Variants in PIP5K1B observed in about 807,000 individuals in gnomAD.
The protein encoded by PIP5K1B is phosphatidylinositol-4-phosphate 5-kinase type 1 beta, also known as phosphatidylinositol 4-phosphate 5-kinase type-1 beta.
In PIP5K1B, 42 loss-of-function variants were observed where a neutral mutation model predicts 67.0. The ratio of observed to expected loss-of-function variants is 0.63; its 90% confidence interval spans 0.49 to 0.81. The LOEUF (loss-of-function observed/expected upper bound fraction) is 0.81. PIP5K1B is among the 30% of genes least tolerant of loss of function. The pLI is 0.00. For missense variants in PIP5K1B, 459 were observed against 646.3 expected (o/e 0.71, Z 3.14); for synonymous variants, 214 against 231.4 (o/e 0.92, Z 0.68).
At chr9:68,780,303 A>G (rs1005221616) in intron 2 of PIP5K1B, 3 of 1,599,316 alleles carry the variant, frequency 1.9e-6, no homozygotes, top group African/African-American at 1.3e-5. Flanking sequence ...CCTCAGTGAC[A>G]CTTCGCCGGT....
intron 15 of PIP5K1B, 101 bp downstream of exon 15, chr9:68,991,358 G>T (rs1015923040): frequency 3.0e-6 from 2 of 675,958 alleles, no homozygotes; most frequent in Non-Finnish European, 2.7e-6. Context: ...GGCATGCTTG[G>T]GTTTTAAAAG....
intron 14 of PIP5K1B, among the ~76,000 whole-genome samples, chr9:68,951,942 CTAA>C (rs1227070134): frequency 6.6e-6 from 1 of 152,096 alleles, no homozygotes; most frequent in Admixed American, 6.5e-5. Flanking sequence ...TAGGCATTAG[CTAA>C]TAACTGCCCA....
intron 2 of PIP5K1B, among the ~76,000 whole-genome samples, chr9:68,760,889 T>C (rs1030416777): frequency 6.6e-6 from 1 of 152,104 alleles, no homozygotes; most frequent in African/African-American, 2.4e-5. Context: ...TTCTCAAATT[T>C]TCCTGTTGAC....
At chr9:68,795,438 T>G (rs1305486524) in intron 2 of PIP5K1B, among the ~76,000 whole-genome samples, 1 of 152,170 alleles carries the variant, frequency 6.6e-6, no homozygotes, top group African/African-American at 2.4e-5. Context: ...AGAATATATG[T>G]AATATATGGA....
chr9:68,888,890 T>C (rs1476211428), intron 6 of PIP5K1B, 91 bp from the exon 7 acceptor site: 5 of 856,406 alleles, frequency 5.8e-6, no homozygotes, highest in Admixed American at 2.1e-5. Context: ...TGTTTCAACA[T>C]AGCTAAGATG....
chr9:68,733,066 G>A (rs1828528995), intron 1 of PIP5K1B, among the ~76,000 whole-genome samples: 1 of 152,126 alleles, frequency 6.6e-6, no homozygotes, highest in Non-Finnish European at 1.5e-5. Flanking sequence ...TGATCTAGGT[G>A]TGGGCCGCAA....
rs114229251 is a variant in PIP5K1B at position 68,711,294 on chromosome 9, T to C, written c.-243+5532T>C. 9.4e-3 allele frequency among the ~76,000 whole-genome samples: 1,434 copies of C among 152,348 alleles called. 29 individuals carry two copies. The highest frequency in any genetic ancestry group is 0.033 in the African/African-American group (1,355 of 41,574). ...TTTCTTTTTTAAACCATGCCCATCA[T>C]TGTGCTCTCTGGATCACTTGATCAT... On this transcript the variant is annotated intron_variant, in intron 1 of 15. Transcript: ENST00000265382.
At chr9:68,951,427 T>C (rs1461741832) in intron 14 of PIP5K1B, among the ~76,000 whole-genome samples, 1 of 152,284 alleles carries the variant, frequency 6.6e-6, no homozygotes, top group African/African-American at 2.4e-5. Context: ...CTTTTATTTA[T>C]GTATGAGTGC....
At chr9:68,990,577 A>T (rs1587771082) in intron 14 of PIP5K1B, among the ~76,000 whole-genome samples, 1 of 150,242 alleles carries the variant, frequency 6.7e-6, no homozygotes, top group African/African-American at 2.5e-5. Context: ...CTCACAAGGC[A>T]TGGGACCCAC....
intron 5 of PIP5K1B, among the ~76,000 whole-genome samples, chr9:68,875,209 G>A (rs898091886): frequency 1.2e-4 from 17 of 139,964 alleles, no homozygotes; most frequent in East Asian, 7.0e-4. Context: ...TGCTGCCTGA[G>A]TGTAATCCTA....
At chr9:68,742,213 G>C (rs2132319663) in intron 1 of PIP5K1B, 1 of 152,212 alleles carries the variant, frequency 6.6e-6, no homozygotes, top group African/African-American at 2.4e-5. Context: ...TCTAGTTTCT[G>C]ATTCTAAAGT....
chr9:68,710,495 T>C (rs1482400144), intron 1 of PIP5K1B, among the ~76,000 whole-genome samples: 1 of 152,208 alleles, frequency 6.6e-6, no homozygotes, highest in Non-Finnish European at 1.5e-5. Flanking sequence ...CCTTTTCATA[T>C]ATAAGATTAG....
chr9:68,710,095 C>T (rs1435171430), intron 1 of PIP5K1B, among the ~76,000 whole-genome samples: 1 of 152,134 alleles, frequency 6.6e-6, no homozygotes, highest in African/African-American at 2.4e-5. Flanking sequence ...CATTTAATAT[C>T]CTGGAAATTT....
chr9:68,862,516 G>A (rs779788057), intron 4 of PIP5K1B, among the ~76,000 whole-genome samples: 4 of 152,086 alleles, frequency 2.6e-5, no homozygotes, highest in Admixed American at 1.3e-4. Context: ...GAAGTGGGCC[G>A]GGCATGGTGG....
At chr9:68,951,696 T>TA (rs1828075223) in intron 14 of PIP5K1B, among the ~76,000 whole-genome samples, 2 of 152,308 alleles carry the variant, frequency 1.3e-5, no homozygotes, top group Admixed American at 1.3e-4. Flanking sequence ...TTTTATTTAT[T>TA]AAAAAAGGTA....
chr9:68,872,890 C>A (rs1399096027), intron 5 of PIP5K1B, among the ~76,000 whole-genome samples: 1 of 152,186 alleles, frequency 6.6e-6, no homozygotes, highest in African/African-American at 2.4e-5. Context: ...TAGACAAGTT[C>A]TCTCCTGAAG....
chr9:68,862,742 A>C (rs1283032841), intron 4 of PIP5K1B, among the ~76,000 whole-genome samples: 8 of 151,946 alleles, frequency 5.3e-5, no homozygotes, highest in Non-Finnish European at 1.2e-4. Context: ...CAGTGAGCCG[A>C]GGTTGCACGA....
intron 1 of PIP5K1B, among the ~76,000 whole-genome samples, chr9:68,734,380 C>T (rs1828621970): frequency 6.6e-6 from 1 of 152,102 alleles, no homozygotes; most frequent in Admixed American, 6.6e-5. Context: ...GTAGGAGGCA[C>T]ACAGAATTAA....
chr9:68,819,328 C>A (rs181471639), intron 3 of PIP5K1B, among the ~76,000 whole-genome samples: 5 of 152,266 alleles, frequency 3.3e-5, no homozygotes, highest in Admixed American at 2.0e-4. Context: ...GGCTGGAGTG[C>A]AGTGGTGCGA....
Sources: allele counts gnomAD v4.1 joint callset (sites outside exome capture counted in the v4.1 genomes callset), GRCh38; gene constraint gnomAD v4.1.1; transcripts MANE v1.5; gene names NCBI Gene and HGNC (gene_info 2026-07-23, HGNC 2026-07-21).